PTPRG: variants seen among roughly 807,000 people sequenced by gnomAD.
PTPRG encodes the protein protein tyrosine phosphatase receptor type G.
A neutral mutation model predicts 165.3 loss-of-function variants in PTPRG; 102 were observed. The observed-to-expected ratio is 0.62, with a 90% CI of 0.53 to 0.73. The LOEUF (loss-of-function observed/expected upper bound fraction) is 0.73. Ranked by LOEUF, PTPRG falls within the 30% of genes least tolerant of loss-of-function variation. The pLI is 0.00. For synonymous variants in PTPRG, 675 were observed against 669.5 expected (o/e 1.01, Z -0.13); for missense variants, 1,866 against 1,861.4 (o/e 1.00, Z -0.05).
chr3:61,815,939 C>T (rs1029643680), intron 2 of PTPRG, among the ~76,000 whole-genome samples: 13 of 152,146 alleles, frequency 8.5e-5, no homozygotes, highest in African/African-American at 3.1e-4. Context: ...ATTTTATTTC[C>T]TAAAGTCACT....
At chr3:62,121,856 A>G (rs1477860525) in intron 5 of PTPRG, among the ~76,000 whole-genome samples, 1 of 152,214 alleles carries the variant, frequency 6.6e-6, no homozygotes, top group Non-Finnish European at 1.5e-5. Context: ...ATTGCTGGGA[A>G]CAAACTTTCT....
In PTPRG at chr3:62,265,847, T is replaced by C. The variant is rs867068293; in HGVS notation, c.2657-1563T>C. On this transcript the variant is annotated intron_variant, in intron 17 of 29. Transcript: ENST00000474889. ...TGTGCCTTATATATACATACATACA[T>C]ACACACACACACACACACACACACA... Among the ~76,000 whole-genome samples the C allele has an allele frequency of 7.3e-4, 93 of 126,914 alleles. 1 individual carries two copies. The highest frequency in any genetic ancestry group is 5.7e-3 in the East Asian group (24 of 4,242). 83.3% of individuals were successfully genotyped at this position (126,914 alleles called of 152,430 possible).
At chr3:61,866,582 C>CTTTCTTTTTTTTTT (rs2037414766) in intron 2 of PTPRG, among the ~76,000 whole-genome samples, 1 of 69,068 alleles carries the variant, frequency 1.4e-5, no homozygotes, top group South Asian at 8.9e-4. Context: ...ACTGTTTGCT[C>CTTTCTTTTTTTTTT]TTTTTTTTTT....
rs2106977279 is a variant in PTPRG, at chr3:62,252,592, A to T, written c.2468-2532A>T. ...AAACACACAGGGCCTTTCCAGATAA[A>T]AATTGAGCTGATTAGGCCTCTGATG... is the stretch of plus-strand genomic sequence containing the variant. On this transcript the variant is annotated intron_variant, in intron 15 of 29. Coordinates refer to ENST00000474889, the MANE Select transcript of PTPRG (RefSeq NM_002841.4). The surrounding 1 kb of genome is among the most constrained non-coding windows in gnomAD (Gnocchi z 4.6). 6.6e-6 allele frequency among the ~76,000 whole-genome samples: 1 copy of T among 152,274 alleles called. No homozygotes were observed. Among genetic ancestry groups the T allele is most frequent in the Non-Finnish European group, 1.5e-5 (1 of 68,006 alleles).
At chr3:61,624,385 C>G (rs60320592) in intron 1 of PTPRG, among the ~76,000 whole-genome samples, 19,051 of 152,052 alleles carry the variant, frequency 0.13, 1,344 homozygotes, top group African/African-American at 0.19. Flanking sequence ...TGAGTTCCAA[C>G]TAGAAGTTGT....
chr3:62,194,073 A>G (rs1699902156), intron 9 of PTPRG, among the ~76,000 whole-genome samples: 1 of 152,222 alleles, frequency 6.6e-6, no homozygotes, highest in African/African-American at 2.4e-5. Context: ...GGAAATGGCT[A>G]CATAGTAAAT....
intron 2 of PTPRG, among the ~76,000 whole-genome samples, chr3:61,893,324 A>G (rs1196102202): frequency 2.0e-5 from 3 of 151,840 alleles, no homozygotes; most frequent in Admixed American, 1.3e-4. Context: ...GGTAATAAGT[A>G]TAAAAATAGC....
intron 4 of PTPRG, among the ~76,000 whole-genome samples, chr3:62,071,890 C>T (rs72889515): frequency 0.034 from 5,167 of 152,172 alleles, 301 homozygotes; most frequent in African/African-American, 0.12. Flanking sequence ...TAGTACAGTA[C>T]CTAGCATACA....
intron 4 of PTPRG, among the ~76,000 whole-genome samples, chr3:62,032,407 T>C (rs552746652): frequency 8.4e-4 from 128 of 152,356 alleles, no homozygotes; most frequent in African/African-American, 3.0e-3. Flanking sequence ...CACCATTTGC[T>C]GAGCAAATTG....
chr3:62,104,911 G>A (rs982580722), intron 5 of PTPRG, among the ~76,000 whole-genome samples: 1 of 152,126 alleles, frequency 6.6e-6, no homozygotes, highest in Non-Finnish European at 1.5e-5. Context: ...GCCTAGAAGT[G>A]TAGTAATCAA....
chr3:61,861,896 G>A (rs2037281259), intron 2 of PTPRG, among the ~76,000 whole-genome samples: 1 of 152,136 alleles, frequency 6.6e-6, no homozygotes, highest in South Asian at 2.1e-4. Context: ...ATTATGAGTT[G>A]TGAAATTAGA....
chr3:62,232,399 T>A (rs888014410), intron 14 of PTPRG, among the ~76,000 whole-genome samples: 33 of 152,344 alleles, frequency 2.2e-4, no homozygotes, highest in African/African-American at 7.5e-4. Context: ...TCTAATACAT[T>A]TTCAAAACTA....
intron 1 of PTPRG, among the ~76,000 whole-genome samples, chr3:61,625,468 G>C (rs914745285): frequency 2.0e-5 from 3 of 152,072 alleles, no homozygotes; most frequent in Non-Finnish European, 4.4e-5. Context: ...TTGTAATGGG[G>C]CCATTTACAT....
chr3:61,865,584 G>A (rs980726386), intron 2 of PTPRG, among the ~76,000 whole-genome samples: 4 of 152,178 alleles, frequency 2.6e-5, no homozygotes, highest in African/African-American at 4.8e-5. Flanking sequence ...TGGATGGCCC[G>A]ATACCTGGTC....
chr3:61,582,951 A>C (rs183668668), intron 1 of PTPRG, among the ~76,000 whole-genome samples: 21 of 152,348 alleles, frequency 1.4e-4, no homozygotes, highest in Middle Eastern at 3.4e-3. Context: ...GGAGCGATAG[A>C]ATAATGAGAT....
chr3:62,048,636 C>T (rs1700371595), intron 4 of PTPRG, among the ~76,000 whole-genome samples: 1 of 152,198 alleles, frequency 6.6e-6, no homozygotes, highest in Admixed American at 6.5e-5. Flanking sequence ...TTTTCAGTGC[C>T]TGGGAGTCCC....
rs186303703 is a variant in PTPRG, at chr3:62,095,035, G to C, written c.615+16777G>C. Among the ~76,000 whole-genome samples the C allele has an allele frequency of 3.9e-5, 6 of 152,338 alleles. No homozygotes were observed. In the East Asian group the frequency reaches 1.2e-3, roughly 29 times the overall value. On this transcript the variant is annotated intron_variant, in intron 5 of 29. Coordinates refer to ENST00000474889, the MANE Select transcript of PTPRG (RefSeq NM_002841.4). ...TAATCTTCTCTCTGGCTTTATAAAT[G>C]ATGAAATGTCGCACAGGGTTTTCTG...
At chr3:62,176,666 A>G (rs576365393) in intron 8 of PTPRG, among the ~76,000 whole-genome samples, 50 of 152,170 alleles carry the variant, frequency 3.3e-4, no homozygotes, top group Non-Finnish European at 6.2e-4. Context: ...TGCTCAGGGC[A>G]TAGGGTATTG....
chr3:61,788,516 T>C (rs2034777988), intron 2 of PTPRG, among the ~76,000 whole-genome samples: 1 of 152,246 alleles, frequency 6.6e-6, no homozygotes, highest in Admixed American at 6.5e-5. Flanking sequence ...CAAATATTGC[T>C]AATAGTACTG....
Sources: allele counts gnomAD v4.1 joint callset (sites outside exome capture counted in the v4.1 genomes callset), GRCh38; gene constraint gnomAD v4.1.1; non-coding constraint Gnocchi (gnomAD v3.1); transcripts MANE v1.5; gene names NCBI Gene and HGNC (gene_info 2026-07-23, HGNC 2026-07-21).